POTEE: variants seen among roughly 807,000 people sequenced by gnomAD.
POTEE encodes the protein POTE ankyrin domain family member E.
POTEE carries 21 observed loss-of-function variants against 74.2 expected under a neutral mutation model. That is an observed-to-expected ratio of 0.28 (90% confidence interval 0.20 to 0.41). The LOEUF (loss-of-function observed/expected upper bound fraction) is 0.41. Ranked by LOEUF, POTEE falls within the 10% of genes least tolerant of loss-of-function variation. The probability of loss-of-function intolerance (pLI) is 1.00; values close to 1 mark genes in which losing one functional copy is unlikely to be tolerated. For missense variants in POTEE, 525 were observed against 1,158.6 expected, an observed-to-expected ratio of 0.45 and a Z score of 7.94; for synonymous variants, 211 against 432.8, an observed-to-expected ratio of 0.49 and a Z score of 6.36.
At position 131,218,291 on chromosome 2, in the gene POTEE, G is replaced by C; in HGVS notation, c.-93-19G>C. The stretch of plus-strand genomic sequence containing the variant: ...GGGTTGGCAGGTTTTGGCTGGGATT[G>C]ACATTTCTCTTCAAACAGATTGGAA... On this transcript the variant is annotated intron_variant, in intron 3 of 17. Coordinates refer to ENST00000683005, the MANE Select transcript of POTEE (RefSeq NM_001083538.3). 1 of 1,575,694 alleles carries C rather than the reference G, an allele frequency of 6.3e-7. No homozygotes were observed. The highest frequency in any genetic ancestry group is 8.6e-7 in the Non-Finnish European group (1 of 1,160,760).
chr2:131,211,409 C>A (rs1351317468), intron 2 of POTEE, among the ~76,000 whole-genome samples: 1 of 150,642 alleles, frequency 6.6e-6, no homozygotes, highest in Non-Finnish European at 1.5e-5. Flanking sequence ...TGGAGGTGCA[C>A]TTAGGGAAAG....
intron 8 of POTEE, among the ~76,000 whole-genome samples, chr2:131,230,519 A>G (rs574649646): frequency 2.0e-5 from 3 of 152,332 alleles, no homozygotes; most frequent in Non-Finnish European, 2.9e-5. Context: ...CAAGTTGTCC[A>G]AGAACAAATA....
chr2:131,236,956 TAATA>T (rs1251423979), intron 10 of POTEE, among the ~76,000 whole-genome samples, 154 bp downstream of exon 10: 4 of 141,028 alleles, frequency 2.8e-5, no homozygotes, highest in African/African-American at 1.0e-4. Context: ...AAATTTATTT[TAATA>T]AATTCAGTAA....
chr2:131,218,739 G>A lies in POTEE; in HGVS notation c.337G>A (p.Gly113Ser). ...CHCFPCCRGS[G>S]KSKVGAWGDY... ...CTGCTTCCCCTGCTGCAGGGGGAGC[G>A]GCAAGAGCAAGGTGGGCGCTTGGGG... Residue 113 changes from glycine (G) to serine (S), a missense_variant, in exon 4 of 18, where the codon GGC becomes AGC. Transcript: ENST00000683005. 13 of 1,612,910 alleles carry A rather than the reference G, an allele frequency of 8.1e-6. No homozygotes were observed. The highest frequency in any genetic ancestry group is 2.2e-5 in the South Asian group (2 of 91,000).
rs971592908 is a variant in POTEE, at chr2:131,260,679, C to T, written c.1779-1047C>T. Among the ~76,000 whole-genome samples the T allele has an allele frequency of 9.1e-5, 13 of 142,408 alleles. No individual in the cohort carries two copies. In the South Asian group the frequency reaches 2.7e-3, roughly 30 times the overall value. The allele number at this position is 142,408 out of a possible 152,430, so 93.4% of individuals were successfully genotyped here. A position where few individuals can be genotyped will look rare whatever the true frequency, so the allele number is the denominator to read the frequency against. On this transcript the variant is annotated intron_variant, in intron 16 of 17. Transcript: ENST00000683005. ...TTCATTTATTTTGTAACCTCTGAGACTTTACTGAATTCATGTATCAAATCT... is the reference window on the plus strand; with the variant it reads ...TTCATTTATTTTGTAACCTCTGAGATTTTACTGAATTCATGTATCAAATCT...
chr2:131,212,685 C>T lies in POTEE; in HGVS notation c.-189+1502C>T, dbSNP rs369780897. ...GTTCAAGCAAGTCTCCTGCCTCAGC[C>T]TCCCGAGTAACTGGGATTGCAGGCA... On this transcript the variant is annotated intron_variant, in intron 2 of 17. Coordinates refer to ENST00000683005, the MANE Select transcript of POTEE (RefSeq NM_001083538.3). Among the ~76,000 whole-genome samples, 362 of 150,478 alleles carry T rather than the reference C, an allele frequency of 2.4e-3. 2 individuals carry two copies. The East Asian group carries it at 0.025, about 10-fold the overall frequency.
At chr2:131,258,699 A>G (rs1381999349) in intron 16 of POTEE, among the ~76,000 whole-genome samples, 2 of 121,698 alleles carry the variant, frequency 1.6e-5, no homozygotes, top group Admixed American at 9.0e-5. Flanking sequence ...CAAAATCATA[A>G]GTAATAAAAA....
At position 131,256,884 on chromosome 2, in the gene POTEE, A is replaced by G. The variant is rs560554120; in HGVS notation, c.1778+3785A>G. Among the ~76,000 whole-genome samples, 11 of 152,426 alleles carry G rather than the reference A, an allele frequency of 7.2e-5. No individual in the cohort carries two copies. In the South Asian group the frequency reaches 1.2e-3, roughly 17 times the overall value. ...CAGGACGCGTCAGGCTTGAGATTCA[A>G]TTGGGAACATACCAGGGATGCTCTC... On this transcript the variant is annotated intron_variant, in intron 16 of 17. Coordinates refer to ENST00000683005, the MANE Select transcript of POTEE (RefSeq NM_001083538.3).
intron 10 of POTEE, among the ~76,000 whole-genome samples, chr2:131,237,654 A>G (rs1701177991): frequency 6.6e-6 from 1 of 151,790 alleles, no homozygotes; most frequent in South Asian, 2.1e-4. Flanking sequence ...TTAAAATTTG[A>G]GAATTTGCAT....
chr2:131,221,874 C>G (rs889413051), intron 4 of POTEE, among the ~76,000 whole-genome samples: 2 of 152,176 alleles, frequency 1.3e-5, no homozygotes, highest in Admixed American at 6.5e-5. Flanking sequence ...ACTGAACTCC[C>G]AAGCTGTGTT....
chr2:131,228,878 T>C (rs544446664), intron 8 of POTEE, among the ~76,000 whole-genome samples: 3 of 144,812 alleles, frequency 2.1e-5, no homozygotes, highest in Non-Finnish European at 4.4e-5. Context: ...TTCTGTTGTT[T>C]CCGTTGATTT....
rs868796175 is a variant in POTEE, at chr2:131,209,790, G to A, written c.-374G>A. On this transcript the variant is annotated 5_prime_UTR_variant, in exon 1 of 18. Coordinates refer to ENST00000683005, the MANE Select transcript of POTEE (RefSeq NM_001083538.3). ...GTGGTGACGTGGGACACTGCAGCTC[G>A]GCCAGAGTGGTAGAAATGTCCTGGT... Among the ~76,000 whole-genome samples, 52 of 152,098 alleles carry A rather than the reference G, an allele frequency of 3.4e-4. No homozygotes were observed. The highest frequency in any genetic ancestry group is 1.1e-3 in the African/African-American group (46 of 41,384).
At chr2:131,225,279 C>G (rs1700746666) in intron 6 of POTEE, among the ~76,000 whole-genome samples, 8 of 152,118 alleles carry the variant, frequency 5.3e-5, no homozygotes. Context: ...CATGGTGGTA[C>G]ATGGCTGTAG....
intron 7 of POTEE, 55 bp downstream of exon 7, chr2:131,226,984 C>T: frequency 6.3e-7 from 1 of 1,598,630 alleles, no homozygotes; most frequent in Non-Finnish European, 8.5e-7. Context: ...TCACTCAAGT[C>T]ATAAATATTA....
Position 131,218,467 on chromosome 2 carries a change from G to T in POTEE, c.65G>T (p.Ser22Ile), listed in dbSNP as rs575814817. The stretch of plus-strand genomic sequence containing the variant: ...GTGAAGAAGCCATTTGGTCTCAGGA[G>T]CAAGATGGGCAAGTGGTGCTGCCGT... ...SSVKKPFGLR[S>I]KMGKWCCRCF... Residue 22 changes from serine to isoleucine, a missense_variant, in exon 4 of 18, where the codon AGC (serine) becomes ATC (isoleucine). Ser to Ile is a moderately radical substitution (Grantham distance 142). Transcript: ENST00000683005. The T allele has an allele frequency of 8.7e-6, 14 of 1,613,236 alleles. No homozygotes were observed. Among genetic ancestry groups the T allele is most frequent in the Admixed American group, 5.0e-5 (3 of 60,000 alleles).
chr2:131,230,990 T>G, intron 9 of POTEE, 84 bp downstream of exon 9: 1 of 1,416,404 alleles, frequency 7.1e-7, no homozygotes, highest in South Asian at 1.3e-5. Context: ...AAGACAATTT[T>G]TCCATGGGCT....
intron 2 of POTEE, among the ~76,000 whole-genome samples, chr2:131,211,523 T>TGTGC (rs1700357377): frequency 1.3e-5 from 1 of 79,036 alleles, no homozygotes; most frequent in South Asian, 4.4e-4. Context: ...GGGGTGACTG[T>TGTGC]GTGTGTGTGT....
Position 131,226,845 on chromosome 2 carries a change from T to C in POTEE, c.833T>C (p.Leu278Pro), listed in dbSNP as rs1445448029. 2 of 1,611,808 alleles carry C rather than the reference T, an allele frequency of 1.2e-6. No individual in the cohort carries two copies. The highest frequency in any genetic ancestry group is 1.7e-6 in the Non-Finnish European group (2 of 1,179,676). Residue 278 changes from leucine (L) to proline (P), a missense_variant, in exon 7 of 18, where the codon CTT becomes CCT. Physicochemically the swap from Leu to Pro is moderately conservative, Grantham distance 98 (BLOSUM62 -3). Transcript: ENST00000683005. ...KNKHGLTPLLLGVHEQKQQVV... is the reference protein window; with the variant it reads ...KNKHGLTPLLPGVHEQKQQVV... Reference sequence around the variant, plus strand: ...CAGCATGGCCTCACACCACTGTTACTTGGTGTACATGAGCAAAAACAGCAA... The same window carrying C: ...CAGCATGGCCTCACACCACTGTTACCTGGTGTACATGAGCAAAAACAGCAA...
At chr2:131,217,792 GC>G (rs199704341) in intron 3 of POTEE, among the ~76,000 whole-genome samples, 109 bp downstream of exon 3, 2,310 of 148,658 alleles carry the variant, frequency 0.016, 104 homozygotes, top group African/African-American at 0.056. Context: ...GCACGCGCAC[GC>G]CCGGCAGCAG....
Sources: gnomAD v4.1 joint callset for allele counts (sites outside exome capture counted in the v4.1 genomes callset) on GRCh38, gnomAD v4.1.1 for gene constraint, MANE v1.5 for transcripts, NCBI Gene and HGNC (gene_info 2026-07-23, HGNC 2026-07-21) for gene names.